Variants in CLNK observed in about 807,000 individuals in gnomAD.
CLNK encodes cytokine dependent hematopoietic cell linker.
CLNK carries 74 observed loss-of-function variants against 68.6 expected under a neutral mutation model. That is an observed-to-expected ratio of 1.08 (90% CI 0.89 to 1.31). CLNK has a LOEUF of 1.31. CLNK is among the 50% of genes most tolerant of loss of function. The pLI is 0.00. For missense variants in CLNK, 553 were observed against 515.3 expected (o/e 1.07, Z -0.71); for synonymous variants, 198 against 172.2 (o/e 1.15, Z -1.17).
At position 10,574,888 on chromosome 4, in the gene CLNK, C is replaced by T. The variant is rs116545466; in HGVS notation, c.113-3110G>A. On this transcript the variant is annotated intron_variant, in intron 4 of 18. Coordinates refer to ENST00000226951, the MANE Select transcript of CLNK (RefSeq NM_052964.4). ...CATGCAACCCCCAGTCATGTACCCC[C>T]TGCTTGCTCAGTCAATCACGACCCT... 7.9e-3 allele frequency among the ~76,000 whole-genome samples: 1,201 copies of T among 152,280 alleles called. 23 individuals carry two copies. The highest frequency in any genetic ancestry group is 0.027 in the African/African-American group (1,125 of 41,554).
Position 10,501,251 on chromosome 4 carries a change from C to A in CLNK, c.1140+5G>T, listed in dbSNP as rs745543930. ...GGAACAGGGAGGCTGTTAAGTTATA[C>A]CCACCTCATCTCCTCTGAGTCCTGT... On this transcript the variant is annotated splice_donor_5th_base_variant and intron_variant, in intron 18 of 18. Coordinates refer to ENST00000226951, the MANE Select transcript of CLNK (RefSeq NM_052964.4). The A allele has an allele frequency of 6.4e-7, 1 of 1,562,800 alleles. No individual in the cohort carries two copies. The highest frequency in any genetic ancestry group is 1.2e-5 in the South Asian group (1 of 81,376).
chr4:10,591,374 C>G (rs1437779718), intron 3 of CLNK, among the ~76,000 whole-genome samples: 1 of 152,224 alleles, frequency 6.6e-6, no homozygotes, highest in African/African-American at 2.4e-5. Flanking sequence ...GGAACTCACA[C>G]TGACATAACT....
intron 2 of CLNK, among the ~76,000 whole-genome samples, chr4:10,618,331 A>G (rs1269162829): frequency 6.6e-6 from 1 of 152,214 alleles, no homozygotes; most frequent in Non-Finnish European, 1.5e-5. Context: ...AAATCTGTAG[A>G]GAAAAAAGTA....
At chr4:10,701,672 A>G in the CLNK span, among the ~76,000 whole-genome samples, 1 of 152,214 alleles carries the variant, frequency 6.6e-6, no homozygotes, top group Non-Finnish European at 1.5e-5. Context: ...AAGGCTTCAC[A>G]TTTATTAGCT....
chr4:10,579,097 C>T (rs958070228), intron 4 of CLNK, among the ~76,000 whole-genome samples: 2 of 152,186 alleles, frequency 1.3e-5, no homozygotes, highest in Admixed American at 6.5e-5. Context: ...CTATACTGTG[C>T]TGCTTTTCAC....
At position 10,532,131 on chromosome 4, in the gene CLNK, A is replaced by G. The variant is rs1294896002; in HGVS notation, c.630+125T>C. The G allele has an allele frequency of 5.2e-6, 4 of 762,690 alleles. No individual in the cohort carries two copies. In the African/African-American group the frequency reaches 6.9e-5, roughly 13 times the overall value. The allele number at this position is 762,690 out of a possible 1,614,324, so 47.2% of individuals were successfully genotyped here. ...ATCTTTAAAATAGAGATACTAATGC[A>G]TTTTGAGCATAGCTATTGTGAGAAC... is the stretch of plus-strand genomic sequence containing the variant. On this transcript the variant is annotated intron_variant, in intron 12 of 18. Transcript: ENST00000226951.
At chr4:10,559,032 G>A (rs144091622) in intron 7 of CLNK, among the ~76,000 whole-genome samples, 5 of 152,256 alleles carry the variant, frequency 3.3e-5, no homozygotes, top group Admixed American at 1.3e-4. Context: ...CACAAGCACT[G>A]TGCCGAGAAC....
At chr4:10,630,363 G>A (rs894060544) in intron 2 of CLNK, among the ~76,000 whole-genome samples, 2 of 152,234 alleles carry the variant, frequency 1.3e-5, no homozygotes, top group Non-Finnish European at 2.9e-5. Context: ...AAAAAATGGA[G>A]ATTCATGAAA....
chr4:10,698,318 A>G, the CLNK span, among the ~76,000 whole-genome samples: 4 of 152,274 alleles, frequency 2.6e-5, no homozygotes, highest in Admixed American at 2.0e-4. Flanking sequence ...GTTTACAGGA[A>G]CACTCTGAGG....
chr4:10,540,741 A>T (rs1362975779), intron 10 of CLNK, 137 bp from the exon 11 acceptor site: 5 of 637,932 alleles, frequency 7.8e-6, no homozygotes, highest in Non-Finnish European at 1.4e-5. Flanking sequence ...CTAACTGCGG[A>T]GCAGACCGAT....
chr4:10,568,460 A>G (rs892009562), intron 5 of CLNK, among the ~76,000 whole-genome samples: 10 of 152,240 alleles, frequency 6.6e-5, no homozygotes, highest in Non-Finnish European at 1.3e-4. Context: ...TGAATATACA[A>G]AAAAACCATT....
At chr4:10,725,346 C>T in the CLNK span, among the ~76,000 whole-genome samples, 1 of 152,102 alleles carries the variant, frequency 6.6e-6, no homozygotes, top group Non-Finnish European at 1.5e-5. Flanking sequence ...TGGCCTGGGC[C>T]CTAGCCTTCA....
Position 10,486,521 on chromosome 4 carries a change from A to G in CLNK, c.*3946T>C, listed in dbSNP as rs1716359782. On this transcript the variant is annotated 3_prime_UTR_variant, in exon 19 of 19. Transcript: ENST00000226951. ...ATATACAAATATAATGCTAATATACAATATAGGCTATCATAAAAATTTGTA... is the reference window on the plus strand; with the variant it reads ...ATATACAAATATAATGCTAATATACGATATAGGCTATCATAAAAATTTGTA... 7.4e-6 allele frequency: 1 copy of G among 136,012 alleles called. No homozygotes were observed. Among genetic ancestry groups the G allele is most frequent in the Non-Finnish European group, 1.5e-5 (1 of 67,880 alleles). 8.4% of individuals were successfully genotyped at this position (136,012 alleles called of 1,614,324 possible).
At chr4:10,531,976 G>A (rs1020104927) in intron 12 of CLNK, among the ~76,000 whole-genome samples, 1 of 152,176 alleles carries the variant, frequency 6.6e-6, no homozygotes, top group Non-Finnish European at 1.5e-5. Flanking sequence ...GCCATCAGTC[G>A]ATACTGTATA....
the CLNK span, chr4:10,697,006 A>G: frequency 6.6e-6 from 1 of 152,238 alleles, no homozygotes. Context: ...GTCTGAGAAC[A>G]TGCAGTCTAG....
chr4:10,711,145 T>A, the CLNK span, among the ~76,000 whole-genome samples: 1 of 152,064 alleles, frequency 6.6e-6, no homozygotes, highest in African/African-American at 2.4e-5. Context: ...TACTCCTCTG[T>A]CTCTAAAGTT....
intron 10 of CLNK, among the ~76,000 whole-genome samples, chr4:10,541,589 T>A (rs568154908): frequency 1.1e-4 from 15 of 133,394 alleles, no homozygotes; most frequent in African/African-American, 2.7e-4. Context: ...ATATGTGTCA[T>A]ATATATATGT....
At chr4:10,562,101 C>CTTTTTTTTTTTTTTTTTTTTTT (rs11345903) in intron 7 of CLNK, among the ~76,000 whole-genome samples, 1 of 129,290 alleles carries the variant, frequency 7.7e-6, no homozygotes, top group Non-Finnish European at 1.6e-5. Flanking sequence ...TTTTTCTTTT[C>CTTTTTTTTTTTTTTTTTTTTTT]TTTTTTTTTT....
At chr4:10,729,650 CATT>C in the CLNK span, among the ~76,000 whole-genome samples, 3 of 152,140 alleles carry the variant, frequency 2.0e-5, no homozygotes, top group Non-Finnish European at 4.4e-5. Context: ...AACTAGAAGC[CATT>C]ATCTCAAGTG....
Sources: gnomAD v4.1 joint callset for allele counts (sites outside exome capture counted in the v4.1 genomes callset) on GRCh38, gnomAD v4.1.1 for gene constraint, MANE v1.5 for transcripts, NCBI Gene and HGNC (gene_info 2026-07-23, HGNC 2026-07-21) for gene names.